RBFOX1: variants seen among roughly 807,000 people sequenced by gnomAD.
The protein encoded by RBFOX1 is RNA binding protein fox-1 homolog 1.
Under a neutral mutation model 57.7 loss-of-function variants are expected in RBFOX1, and 8 were observed. The ratio of observed to expected loss-of-function variants is 0.14; its 90% CI spans 0.08 to 0.25. The LOEUF is 0.25. RBFOX1 is among the 10% of genes least tolerant of loss of function. The pLI is 1.00. For missense variants in RBFOX1, 611 were observed against 548.5 expected, an observed-to-expected ratio of 1.11 and a Z score of -1.14; for synonymous variants, 326 against 222.4, an observed-to-expected ratio of 1.47 and a Z score of -4.15.
intron 4 of RBFOX1, among the ~76,000 whole-genome samples, chr16:5,961,479 A>G (rs981805799): frequency 7.9e-6 from 1 of 126,846 alleles, no homozygotes; most frequent in Non-Finnish European, 1.7e-5. Context: ...TCTTTTGTTT[A>G]AAAAAAACAA....
chr16:6,558,326 T>C (rs1008118024), intron 2 of RBFOX1, among the ~76,000 whole-genome samples: 7 of 152,144 alleles, frequency 4.6e-5, no homozygotes, highest in Non-Finnish European at 1.0e-4. Flanking sequence ...ATGTTGCCGC[T>C]GCTGCTGCTG....
intron 1 of RBFOX1, among the ~76,000 whole-genome samples, chr16:5,326,014 A>G (rs895948631): frequency 1.3e-5 from 2 of 152,202 alleles, no homozygotes; most frequent in Non-Finnish European, 2.9e-5. Flanking sequence ...TTGGCATTAT[A>G]TAATTTAGCT....
chr16:5,537,973 G>A (rs189560835), intron 2 of RBFOX1, among the ~76,000 whole-genome samples: 129 of 152,250 alleles, frequency 8.5e-4, no homozygotes, highest in Non-Finnish European at 9.8e-4. Flanking sequence ...CTCACTAGGA[G>A]GTGTGACTCC....
At chr16:6,554,053 G>T (rs573663250) in intron 2 of RBFOX1, among the ~76,000 whole-genome samples, 2 of 142,354 alleles carry the variant, frequency 1.4e-5, no homozygotes, top group African/African-American at 5.9e-5. Context: ...TGAATGAATG[G>T]ATAAATAAGT....
chr16:6,146,904 G>C (rs77891750), intron 1 of RBFOX1, among the ~76,000 whole-genome samples: 1 of 152,106 alleles, frequency 6.6e-6, no homozygotes, highest in African/African-American at 2.4e-5. Flanking sequence ...AATGGTAGAC[G>C]ATTCTGAAGC....
At chr16:5,534,591 C>T (rs891378796) in intron 2 of RBFOX1, among the ~76,000 whole-genome samples, 4 of 152,164 alleles carry the variant, frequency 2.6e-5, no homozygotes, top group Non-Finnish European at 5.9e-5. Flanking sequence ...CCACACGACT[C>T]AGCAAGCCAG....
intron 3 of RBFOX1, among the ~76,000 whole-genome samples, chr16:6,761,190 C>T (rs1978289): frequency 1.3e-5 from 2 of 152,024 alleles, no homozygotes; most frequent in South Asian, 4.1e-4. Context: ...TATTTTAGAA[C>T]TAAAGGAGGC....
At chr16:7,237,921 T>G (rs2093853602) in intron 4 of RBFOX1, among the ~76,000 whole-genome samples, 2 of 152,186 alleles carry the variant, frequency 1.3e-5, no homozygotes, top group Non-Finnish European at 2.9e-5. Context: ...TGAGAATTGC[T>G]TGAACCCTGG....
At chr16:5,757,500 G>C (rs1462353512) in intron 3 of RBFOX1, among the ~76,000 whole-genome samples, 1 of 152,064 alleles carries the variant, frequency 6.6e-6, no homozygotes, top group Non-Finnish European at 1.5e-5. Context: ...AAAGTGCTGG[G>C]ATTACAGGCA....
intron 4 of RBFOX1, among the ~76,000 whole-genome samples, chr16:7,158,925 T>G (rs746404404): frequency 6.6e-6 from 1 of 152,142 alleles, no homozygotes; most frequent in Non-Finnish European, 1.5e-5. Context: ...CAAACATTTA[T>G]CACTTGTGTA....
At chr16:5,631,407 A>G (rs1253976143) in intron 3 of RBFOX1, among the ~76,000 whole-genome samples, 2 of 152,078 alleles carry the variant, frequency 1.3e-5, no homozygotes, top group African/African-American at 4.8e-5. Flanking sequence ...AAATACAAAA[A>G]TTAGCCGGGT....
At chr16:6,702,812 A>G (rs1012653253) in intron 3 of RBFOX1, among the ~76,000 whole-genome samples, 1 of 152,202 alleles carries the variant, frequency 6.6e-6, no homozygotes, top group Non-Finnish European at 1.5e-5. Context: ...TTAAATGTAG[A>G]GTTCAGTGGC....
chr16:6,256,173 A>ATATATATGTATATATATGTATATATG (rs1361828113), intron 1 of RBFOX1, among the ~76,000 whole-genome samples: 3 of 14,082 alleles, frequency 2.1e-4, no homozygotes, highest in African/African-American at 4.0e-4. Context: ...ATATATATGT[A>ATATATATGTATATATATGTATATATG]TATATATATA....
chr16:6,645,418 G>A (rs796612456), intron 2 of RBFOX1, among the ~76,000 whole-genome samples: 3 of 152,168 alleles, frequency 2.0e-5, no homozygotes, highest in African/African-American at 7.2e-5. Context: ...CATTTTCTCG[G>A]GAATCTTTAA....
At chr16:6,468,298 A>G (rs1474606168) in intron 2 of RBFOX1, among the ~76,000 whole-genome samples, 1 of 152,122 alleles carries the variant, frequency 6.6e-6, no homozygotes, top group Non-Finnish European at 1.5e-5. Context: ...AGTTACCCAG[A>G]TATGTTGGCA....
intron 3 of RBFOX1, among the ~76,000 whole-genome samples, chr16:6,862,027 A>G (rs1376007030): frequency 6.6e-6 from 1 of 151,966 alleles, no homozygotes; most frequent in East Asian, 1.9e-4. Flanking sequence ...CAAACTCGAT[A>G]AGCTCCAGTC....
intron 2 of RBFOX1, among the ~76,000 whole-genome samples, chr16:6,350,257 A>C (rs1375618730): frequency 6.6e-6 from 1 of 151,696 alleles, no homozygotes. Context: ...ACCAGCATGG[A>C]GAAACCCTGT....
intron 3 of RBFOX1, among the ~76,000 whole-genome samples, chr16:5,746,974 A>G (rs1033857875): frequency 2.6e-5 from 4 of 152,138 alleles, no homozygotes; most frequent in Admixed American, 6.5e-5. Context: ...TTCCAACACT[A>G]TGTTGAATAG....
chr16:6,175,554 C>T (rs1475719389), intron 1 of RBFOX1, among the ~76,000 whole-genome samples: 1 of 152,066 alleles, frequency 6.6e-6, no homozygotes, highest in Non-Finnish European at 1.5e-5. Context: ...AATGGTTGCG[C>T]TTTTGTTGTG....
Sources: allele counts gnomAD v4.1 joint callset (sites outside exome capture counted in the v4.1 genomes callset), GRCh38; gene constraint gnomAD v4.1.1; transcripts MANE v1.5; gene names NCBI Gene and HGNC (gene_info 2026-07-23, HGNC 2026-07-21).